TBC1D8: variants seen among roughly 807,000 people sequenced by gnomAD.
TBC1D8 encodes the protein BUB2-like protein 1.
TBC1D8 carries 65 observed loss-of-function variants against 118.8 expected under a neutral mutation model. The observed-to-expected ratio is 0.55, with a 90% CI of 0.45 to 0.67. The LOEUF (loss-of-function observed/expected upper bound fraction) is 0.67, where lower values mean the gene tolerates loss of function less well. Ranked by LOEUF, TBC1D8 falls within the 30% of genes least tolerant of loss-of-function variation. The pLI, the probability that TBC1D8 is intolerant of heterozygous loss-of-function variation, is 0.00. For synonymous variants in TBC1D8, 566 were observed against 595.8 expected (o/e 0.95, Z 0.73); for missense variants, 1,376 against 1,471.2 (o/e 0.94, Z 1.06).
chr2:101,133,230 T>C (rs1255873263), intron 1 of TBC1D8, among the ~76,000 whole-genome samples: 1 of 151,396 alleles, frequency 6.6e-6, no homozygotes, highest in Non-Finnish European at 1.5e-5. Flanking sequence ...TAGACAATTC[T>C]GATTCTAAAT....
At position 101,061,071 on chromosome 2, in the gene TBC1D8, C is replaced by A. The variant is rs185147180; in HGVS notation, c.284-1532G>T. On this transcript the variant is annotated intron_variant, in intron 2 of 19. Transcript: ENST00000409318. Reference sequence around the variant, plus strand: ...GTCACGGTGGTGGGCCCCCCTAATCCCAGCTTCTTGGGAGGCTGGGTCAGG... The same window carrying A: ...GTCACGGTGGTGGGCCCCCCTAATCACAGCTTCTTGGGAGGCTGGGTCAGG... Among the ~76,000 whole-genome samples the A allele has an allele frequency of 5.3e-5, 8 of 151,584 alleles. No homozygotes were observed. The East Asian group carries it at 1.6e-3, about 29-fold the overall frequency.
At chr2:101,119,016 C>G (rs974977476) in intron 1 of TBC1D8, among the ~76,000 whole-genome samples, 2 of 151,726 alleles carry the variant, frequency 1.3e-5, no homozygotes, top group African/African-American at 2.4e-5. Context: ...TCTCTGCCCC[C>G]CCAAAAAAAA....
Position 101,090,323 on chromosome 2 carries a change from C to T in TBC1D8, c.169G>A (p.Ala57Thr), listed in dbSNP as rs1675948388. The T allele has an allele frequency of 6.2e-7, 1 of 1,613,904 alleles. No individual in the cohort carries two copies. The highest frequency in any genetic ancestry group is 1.7e-5 in the Admixed American group (1 of 60,004). ...AGAATTCGAAATGGAGCGACCCGTG[C>T]ATTGGAATCCAACACTGCATCCAGA... ...GALDAVLDSN[A>T]RVAPFRILLQ... Residue 57 changes from alanine (A) to threonine (T), a missense_variant, in exon 2 of 20, where the codon GCA (alanine) becomes ACA (threonine). Transcript: ENST00000409318.
intron 5 of TBC1D8, among the ~76,000 whole-genome samples, chr2:101,043,822 C>T (rs1305903251): frequency 6.6e-6 from 1 of 152,122 alleles, no homozygotes; most frequent in African/African-American, 2.4e-5. Context: ...TGCCTGTAAA[C>T]CCAGCTGCTC....
chr2:101,022,367 G>A lies in TBC1D8; in HGVS notation c.2675C>T (p.Thr892Met), dbSNP rs756879116. Residue 892 changes from threonine (T) to methionine (M), a missense_variant, in exon 16 of 20, where the codon ACG (threonine) becomes ATG (methionine). Transcript: ENST00000409318. Reference sequence around the variant, plus strand: ...GAACGTCCTTTCGGCGAGGATCTCCGTGTGGGCCCCGCAGGTCCAGGGCGA... The same window carrying A: ...GAACGTCCTTTCGGCGAGGATCTCCATGTGGGCCCCGCAGGTCCAGGGCGA... ...LVSPWTCGAH[T>M]EILAERTFRL... is the part of the protein sequence containing the mutation. 2.0e-5 allele frequency: 33 copies of A among 1,613,132 alleles called. No individual in the cohort carries two copies. Among genetic ancestry groups the A allele is most frequent in the East Asian group, 8.9e-5 (4 of 44,884 alleles).
At chr2:101,020,072 C>CAAA (rs200778679) in intron 17 of TBC1D8, among the ~76,000 whole-genome samples, 2 of 90,940 alleles carry the variant, frequency 2.2e-5, no homozygotes, top group Admixed American at 1.1e-4. Flanking sequence ...AACTCCGTCT[C>CAAA]AAAAAAAAAA....
intron 2 of TBC1D8, among the ~76,000 whole-genome samples, chr2:101,088,297 C>CA (rs1675772248): frequency 6.7e-6 from 1 of 149,162 alleles, no homozygotes; most frequent in Non-Finnish European, 1.5e-5. Flanking sequence ...TCTCTCTTTT[C>CA]TTTTTTTTTT....
At chr2:101,120,287 G>A (rs1678036927) in intron 1 of TBC1D8, among the ~76,000 whole-genome samples, 1 of 152,174 alleles carries the variant, frequency 6.6e-6, no homozygotes, top group Non-Finnish European at 1.5e-5. Context: ...CCTTCCCGGT[G>A]CCCACCCTTC....
intron 2 of TBC1D8, among the ~76,000 whole-genome samples, chr2:101,076,599 A>G (rs1674839242): frequency 1.3e-5 from 2 of 152,252 alleles, no homozygotes; most frequent in Non-Finnish European, 2.9e-5. Flanking sequence ...TGCAGCCAGC[A>G]GGATATTCCA....
intron 17 of TBC1D8, chr2:101,017,898 A>C: frequency 6.4e-7 from 1 of 1,550,966 alleles, no homozygotes. Flanking sequence ...GATTGTCACC[A>C]TCAGTGAGAA....
At chr2:101,096,731 A>G (rs2105464541) in intron 1 of TBC1D8, among the ~76,000 whole-genome samples, 2 of 152,120 alleles carry the variant, frequency 1.3e-5, no homozygotes, top group Admixed American at 1.3e-4. Flanking sequence ...AAGGAAAAAA[A>G]TCAGTGAGCT....
intron 6 of TBC1D8, among the ~76,000 whole-genome samples, chr2:101,039,289 A>G (rs754296320): frequency 2.6e-5 from 4 of 152,220 alleles, no homozygotes; most frequent in African/African-American, 4.8e-5. Flanking sequence ...TGCTCCACTA[A>G]TAAGTAAAAA....
chr2:101,147,492 A>G (rs1033204140), intron 1 of TBC1D8, among the ~76,000 whole-genome samples: 3 of 152,156 alleles, frequency 2.0e-5, no homozygotes, highest in African/African-American at 4.8e-5. Context: ...TGTCTTTTCA[A>G]TAATAGCCAT....
At chr2:101,125,138 G>C (rs974357881) in intron 1 of TBC1D8, among the ~76,000 whole-genome samples, 1 of 152,030 alleles carries the variant, frequency 6.6e-6, no homozygotes, top group Non-Finnish European at 1.5e-5. Flanking sequence ...CCACTCCTCC[G>C]GCCAACATCA....
intron 5 of TBC1D8, among the ~76,000 whole-genome samples, chr2:101,049,857 TG>T (rs944437543): frequency 6.6e-6 from 1 of 151,854 alleles, no homozygotes; most frequent in African/African-American, 2.4e-5. Context: ...GACGGAGTCT[TG>T]TTCTGTCGCC....
In TBC1D8 at chr2:101,054,424, G is replaced by C. The variant is rs956660207; in HGVS notation, c.403-88C>G. The stretch of plus-strand genomic sequence containing the variant: ...GGGACAGGAAGCAGGAGGGACTGAG[G>C]TGCACAGGCCCCCGAGAAGTGTGCG... On this transcript the variant is annotated intron_variant, in intron 3 of 19. Coordinates refer to ENST00000409318, the MANE Select transcript of TBC1D8 (RefSeq NM_001330348.2). The C allele has an allele frequency of 4.5e-6, 6 of 1,334,344 alleles. No individual in the cohort carries two copies. The East Asian group carries it at 1.3e-4, about 28-fold the overall frequency. 82.7% of individuals were successfully genotyped at this position (1,334,344 alleles called of 1,614,324 possible). A position where few individuals can be genotyped will look rare whatever the true frequency, so the allele number is the denominator to read the frequency against.
intron 2 of TBC1D8, among the ~76,000 whole-genome samples, chr2:101,075,018 T>G (rs779001431): frequency 6.6e-6 from 1 of 152,056 alleles, no homozygotes; most frequent in Non-Finnish European, 1.5e-5. Flanking sequence ...CAATTCCAAA[T>G]AAAAGGTAGG....
At chr2:101,092,128 T>G (rs1463376929) in intron 1 of TBC1D8, among the ~76,000 whole-genome samples, 1 of 152,254 alleles carries the variant, frequency 6.6e-6, no homozygotes. Flanking sequence ...CACATTCAGT[T>G]GTCAAGTCTC....
intron 1 of TBC1D8, among the ~76,000 whole-genome samples, chr2:101,120,274 C>T (rs1159089491): frequency 2.0e-5 from 3 of 152,186 alleles, no homozygotes; most frequent in East Asian, 1.9e-4. Context: ...CTCATGTGCC[C>T]GGCCTTCCCG....
Sources: allele counts gnomAD v4.1 joint callset (sites outside exome capture counted in the v4.1 genomes callset), GRCh38; gene constraint gnomAD v4.1.1; transcripts MANE v1.5; gene names NCBI Gene and HGNC (gene_info 2026-07-23, HGNC 2026-07-21).